MRPL37: variants seen among roughly 807,000 people sequenced by gnomAD.
The protein encoded by MRPL37 is mitochondrial ribosomal protein L37, also known as large ribosomal subunit protein mL37.
MRPL37 carries 34 observed loss-of-function variants against 44.1 expected under a neutral mutation model. The observed-to-expected ratio is 0.77, with a 90% CI of 0.59 to 1.03. The LOEUF (loss-of-function observed/expected upper bound fraction) is 1.03, where lower values mean the gene tolerates loss of function less well. MRPL37 is among the 50% of genes least tolerant of loss of function. The probability of loss-of-function intolerance (pLI) is 0.00; values close to 1 mark genes in which losing one functional copy is unlikely to be tolerated. For missense variants in MRPL37, 532 were observed against 543.7 expected, an observed-to-expected ratio of 0.98 and a Z score of 0.21; for synonymous variants, 212 against 219.5, an observed-to-expected ratio of 0.97 and a Z score of 0.30.
downstream of MRPL37, among the ~76,000 whole-genome samples, chr1:54,222,594 GTCT>G (rs1328403163): frequency 2.0e-5 from 3 of 152,158 alleles, no homozygotes; most frequent in East Asian, 1.9e-4. Context: ...CACTTTCCTG[GTCT>G]TCTACTCACT....
At position 54,212,656 on chromosome 1, in the gene MRPL37, G is replaced by A. The variant is rs369314865; in HGVS notation, c.988G>A (p.Gly330Arg). 1.9e-6 allele frequency: 3 copies of A among 1,614,024 alleles called. No individual in the cohort carries two copies. Among genetic ancestry groups the A allele is most frequent in the South Asian group, 2.2e-5 (2 of 91,078 alleles). ...CCTGGCTCAGGCCCGGCTCCTCTAT[G>A]GGGTATGTAGGTGGAGAAGACCACT... Reference protein sequence around the residue: ...SALAQARLLYGNDAKVLEQPV... With the variant: ...SALAQARLLYRNDAKVLEQPV... Residue 330 changes from glycine to arginine, a missense_variant and splice_region_variant, in exon 5 of 7, where the codon GGG becomes AGG. Coordinates refer to ENST00000360840, the MANE Select transcript of MRPL37 (RefSeq NM_016491.4).
intron 1 of MRPL37, among the ~76,000 whole-genome samples, chr1:54,201,406 C>G (rs1480251761): frequency 6.6e-6 from 1 of 152,204 alleles, no homozygotes. Flanking sequence ...GATTTTCAAG[C>G]CTTTAAACAC....
intron 1 of MRPL37, 24 bp downstream of exon 1, chr1:54,200,613 A>G (rs762960072): frequency 1.9e-6 from 3 of 1,570,788 alleles, no homozygotes; most frequent in Non-Finnish European, 2.6e-6. Context: ...ACGGGCGGCA[A>G]GGGACCGTGT....
rs1447441810 is a variant in MRPL37 at position 54,203,718 on chromosome 1, T to C, written c.347-1300T>C. Among the ~76,000 whole-genome samples the C allele has an allele frequency of 2.6e-5, 4 of 151,796 alleles. No homozygotes were observed. The South Asian group carries it at 6.3e-4, about 24-fold the overall frequency. ...CTCAAACTCCTGACCTCAAGTGATCTGCCCACCTCAGCCTCCCAAAGTGCT... is the reference window on the plus strand; with the variant it reads ...CTCAAACTCCTGACCTCAAGTGATCCGCCCACCTCAGCCTCCCAAAGTGCT... On this transcript the variant is annotated intron_variant, in intron 1 of 6. Coordinates refer to ENST00000360840, the MANE Select transcript of MRPL37 (RefSeq NM_016491.4).
intron 5 of MRPL37, among the ~76,000 whole-genome samples, chr1:54,214,077 G>A (rs1644182623): frequency 6.6e-6 from 1 of 152,224 alleles, no homozygotes; most frequent in African/African-American, 2.4e-5. Flanking sequence ...CAGCTACTCG[G>A]GAGGCTGAGG....
chr1:54,217,275 C>A (rs35110329), intron 6 of MRPL37, among the ~76,000 whole-genome samples: 2 of 152,210 alleles, frequency 1.3e-5, no homozygotes, highest in Non-Finnish European at 2.9e-5. Context: ...ACCTGAAATG[C>A]CTGCTGGGTC....
Position 54,212,668 on chromosome 1 carries a change from TGGA to T in MRPL37, c.990+12_990+14del, listed in dbSNP as rs1268411427. On this transcript the variant is annotated intron_variant, in intron 5 of 6. Coordinates refer to ENST00000360840, the MANE Select transcript of MRPL37 (RefSeq NM_016491.4). ...CCGGCTCCTCTATGGGGTATGTAGG[TGGA>T]GAAGACCACTGAGTTGCTTTACGTG... 6.2e-7 allele frequency: 1 copy of T among 1,614,126 alleles called. No homozygotes were observed. Among genetic ancestry groups the T allele is most frequent in the Admixed American group, 1.7e-5 (1 of 60,018 alleles).
At position 54,203,614 on chromosome 1, in the gene MRPL37, C is replaced by G. The variant is rs373366530; in HGVS notation, c.347-1404C>G. Among the ~76,000 whole-genome samples, 6 of 151,632 alleles carry G rather than the reference C, an allele frequency of 4.0e-5. No homozygotes were observed. In the East Asian group the frequency reaches 5.8e-4, roughly 15 times the overall value. ...TCAGCCTCCCAGGTAGCTGGGACTT[C>G]GGGCAAGCACCACCACACCCAGCTA... is the stretch of plus-strand genomic sequence containing the variant. On this transcript the variant is annotated intron_variant, in intron 1 of 6. Transcript: ENST00000360840.
chr1:54,211,237 C>T (rs1644162421), intron 4 of MRPL37, among the ~76,000 whole-genome samples: 1 of 152,246 alleles, frequency 6.6e-6, no homozygotes, highest in Non-Finnish European at 1.5e-5. Context: ...CCTGACTTAC[C>T]TCACATCTTG....
chr1:54,200,566 A>G lies in MRPL37; in HGVS notation c.323A>G (p.His108Arg). The G allele has an allele frequency of 6.2e-7, 1 of 1,600,068 alleles. No homozygotes were observed. Among genetic ancestry groups the G allele is most frequent in the Non-Finnish European group, 8.6e-7 (1 of 1,169,042 alleles). Residue 108 changes from histidine to arginine, a missense_variant, in exon 1 of 7, where the codon CAC becomes CGC. His to Arg is a conservative substitution (Grantham distance 29). Transcript: ENST00000360840. ...LYKDQACYIF[H>R]HRCRLLEGVK... Reference sequence around the variant, plus strand: ...AAAGACCAGGCCTGCTATATCTTTCACCACCGTTGCCGCCTTCTCGAGGGT... The same window carrying G: ...AAAGACCAGGCCTGCTATATCTTTCGCCACCGTTGCCGCCTTCTCGAGGGT...
At chr1:54,223,996 G>A (rs575900637), downstream of MRPL37, among the ~76,000 whole-genome samples, 281 of 152,304 alleles carry the variant, frequency 1.8e-3, 1 homozygote, top group African/African-American at 6.5e-3. Context: ...CCAGGCTGAG[G>A]GGTAGCACAG....
intron 5 of MRPL37, among the ~76,000 whole-genome samples, chr1:54,213,235 C>T (rs1219524835): frequency 6.6e-6 from 1 of 152,190 alleles, no homozygotes; most frequent in Non-Finnish European, 1.5e-5. Flanking sequence ...GAGAGCTGTC[C>T]CAAGATGGGG....
chr1:54,205,426 C>T lies in MRPL37; in HGVS notation c.646+16C>T, dbSNP rs1441526199. The T allele has an allele frequency of 6.3e-7, 1 of 1,598,480 alleles. No individual in the cohort carries two copies. The highest frequency in any genetic ancestry group is 1.7e-5 in the Admixed American group (1 of 59,660). Reference sequence around the variant, plus strand: ...TGGAACCGAGGTTGGTCATCTTGTACACCAGAAAGCCTTGGTCTGTTTTTT... The same window carrying T: ...TGGAACCGAGGTTGGTCATCTTGTATACCAGAAAGCCTTGGTCTGTTTTTT... On this transcript the variant is annotated intron_variant, in intron 3 of 6. Coordinates refer to ENST00000360840, the MANE Select transcript of MRPL37 (RefSeq NM_016491.4).
intron 3 of MRPL37, among the ~76,000 whole-genome samples, chr1:54,207,960 T>C (rs919399795): frequency 2.6e-5 from 4 of 152,178 alleles, no homozygotes; most frequent in African/African-American, 9.7e-5. Context: ...TGAGAAAGAT[T>C]TGCCTCCGTG....
rs1644110480 is a variant in MRPL37 at position 54,205,015 on chromosome 1, A to G, written c.347-3A>G. 2 of 1,609,948 alleles carry G rather than the reference A, an allele frequency of 1.2e-6. No homozygotes were observed. On this transcript the variant is annotated splice_region_variant and splice_polypyrimidine_tract_variant and intron_variant, in intron 1 of 6. Transcript: ENST00000360840. ...TTTATTTTTGTGGCTAATTACCTCAAAGGTGTAAAGCAGGCCCTCTGGCTC... is the reference window on the plus strand; with the variant it reads ...TTTATTTTTGTGGCTAATTACCTCAGAGGTGTAAAGCAGGCCCTCTGGCTC...
intron 1 of MRPL37, among the ~76,000 whole-genome samples, chr1:54,203,086 C>G (rs1644096116): frequency 6.6e-6 from 1 of 152,170 alleles, no homozygotes; most frequent in Non-Finnish European, 1.5e-5. Flanking sequence ...CTGAGAGTAG[C>G]TAAGTTTCTT....
chr1:54,211,731 G>C (rs1324503930), intron 4 of MRPL37, among the ~76,000 whole-genome samples: 17 of 152,112 alleles, frequency 1.1e-4, no homozygotes, highest in Non-Finnish European at 1.5e-5. Flanking sequence ...GGGCCCAGGC[G>C]ATCTGCTTGC....
chr1:54,214,817 G>A (rs2100514046), intron 5 of MRPL37, among the ~76,000 whole-genome samples: 1 of 152,360 alleles, frequency 6.6e-6, no homozygotes, highest in South Asian at 2.1e-4. Flanking sequence ...TGTACTACCT[G>A]CAGTTTTATT....
chr1:54,214,449 T>C (rs180986337), intron 5 of MRPL37, among the ~76,000 whole-genome samples: 1 of 152,322 alleles, frequency 6.6e-6, no homozygotes, highest in Admixed American at 6.5e-5. Context: ...GACTATATAC[T>C]TCCTGAAGGC....
Sources: gnomAD v4.1 joint callset for allele counts (sites outside exome capture counted in the v4.1 genomes callset) on GRCh38, gnomAD v4.1.1 for gene constraint, MANE v1.5 for transcripts, NCBI Gene and HGNC (gene_info 2026-07-23, HGNC 2026-07-21) for gene names.